Variants in OSMR observed in about 807,000 individuals in gnomAD.
OSMR encodes the protein oncostatin-M-specific receptor subunit beta.
OSMR carries 81 observed loss-of-function variants against 99.9 expected under a neutral mutation model. The observed-to-expected ratio is 0.81, with a 90% CI of 0.68 to 0.97. The LOEUF is 0.97. Among genes scored for constraint, OSMR ranks in the 50% least tolerant of loss-of-function variants. The probability of loss-of-function intolerance (pLI) is 0.00; values close to 1 mark genes in which losing one functional copy is unlikely to be tolerated. For missense variants in OSMR, 1,099 were observed against 1,153.4 expected, an observed-to-expected ratio of 0.95 and a Z score of 0.68; for synonymous variants, 406 against 410.4, an observed-to-expected ratio of 0.99 and a Z score of 0.13.
chr5:38,881,874 A>T (rs1743317655), intron 4 of OSMR, 110 bp downstream of exon 4: 1 of 966,698 alleles, frequency 1.0e-6, no homozygotes, highest in South Asian at 1.4e-5. Flanking sequence ...AGACACTGAC[A>T]TTATTTTCCT....
At chr5:38,886,934 A>G (rs1007184783) in intron 7 of OSMR, among the ~76,000 whole-genome samples, 2 of 152,170 alleles carry the variant, frequency 1.3e-5, no homozygotes, top group Non-Finnish European at 2.9e-5. Context: ...AGTAATACCA[A>G]TTATACTCCC....
rs1191884071 is a variant in OSMR, at chr5:38,933,304, A to C, written c.2800A>C (p.Thr934Pro). The C allele has an allele frequency of 1.9e-6, 3 of 1,614,198 alleles. No homozygotes were observed. The highest frequency in any genetic ancestry group is 2.5e-6 in the Non-Finnish European group (3 of 1,180,022). ...GTTTGGAGACAAGGACAGTCTCCCA[A>C]CAAACCCAGTAGAGGCACCACACTG... ...PMFGDKDSLP[T>P]NPVEAPHCSE... The change falls in exon 18 of 18, where the codon ACA (threonine) becomes CCA (proline). Residue 934 changes from threonine (T) to proline (P), a missense_variant. By Grantham distance (38) the Thr-to-Pro change is conservative (BLOSUM62 -1). Transcript: ENST00000274276.
rs554114617 is a variant in OSMR, at chr5:38,857,544, A to G, written c.-14+11157A>G. Among the ~76,000 whole-genome samples the G allele has an allele frequency of 7.9e-5, 12 of 152,316 alleles. No homozygotes were observed. The South Asian group carries it at 2.1e-3, about 26-fold the overall frequency. On this transcript the variant is annotated intron_variant, in intron 1 of 17. Transcript: ENST00000274276. Reference sequence around the variant, plus strand: ...ATAATTATACATAATTATGGGGTACAGTTGTGATGTTTCAGTGTATGTATA... The same window carrying G: ...ATAATTATACATAATTATGGGGTACGGTTGTGATGTTTCAGTGTATGTATA...
At position 38,852,666 on chromosome 5, in the gene OSMR, CT is replaced by C. The variant is rs542557701; in HGVS notation, c.-14+6282del. ...CTGTTTTTACTTATTTCTAAGAACT[CT>C]TTGTATATGAGGGATAGCTCTTTGT... On this transcript the variant is annotated intron_variant, in intron 1 of 17. Coordinates refer to ENST00000274276, the MANE Select transcript of OSMR (RefSeq NM_003999.3). Among the ~76,000 whole-genome samples the C allele has an allele frequency of 4.6e-3, 619 of 135,644 alleles. 1 individual carries two copies. Among genetic ancestry groups the C allele is most frequent in the Non-Finnish European group, 7.4e-3 (473 of 63,660 alleles). The allele number at this position is 135,644 out of a possible 152,430, so 89.0% of individuals were successfully genotyped here.
In OSMR at chr5:38,924,573, A is replaced by G; in HGVS notation, c.2022A>G (p.Arg674=). The G allele has an allele frequency of 6.2e-7, 1 of 1,613,450 alleles. No individual in the cohort carries two copies. Among genetic ancestry groups the G allele is most frequent in the Non-Finnish European group, 8.5e-7 (1 of 1,179,330 alleles). Residue 674 remains arginine, a synonymous_variant, in exon 14 of 18, where the codon CGA becomes CGG. Coordinates refer to ENST00000274276, the MANE Select transcript of OSMR (RefSeq NM_003999.3). ...LKSKARQCHP[R]FEKAVLSDGS... Reference sequence around the variant, plus strand: ...CCAAGGCGAGGCAGTGCCACCCACGATTTGAAAAGGCAGTTCTTTCAGGTG... The same window carrying G: ...CCAAGGCGAGGCAGTGCCACCCACGGTTTGAAAAGGCAGTTCTTTCAGGTG...
At chr5:38,881,503 C>T (rs1743279520) in intron 3 of OSMR, 90 bp from the exon 4 acceptor site, 3 of 1,611,142 alleles carry the variant, frequency 1.9e-6, no homozygotes, top group Admixed American at 1.7e-5. Flanking sequence ...GCAATGGGGT[C>T]TTAGGTTTGT....
chr5:38,854,274 C>T (rs1740681098), intron 1 of OSMR, among the ~76,000 whole-genome samples: 1 of 152,156 alleles, frequency 6.6e-6, no homozygotes, highest in Non-Finnish European at 1.5e-5. Flanking sequence ...GTGAATGACT[C>T]TTATCACGCT....
At position 38,904,554 on chromosome 5, in the gene OSMR, G is replaced by C. The variant is rs1323578479; in HGVS notation, c.1285+51G>C. The stretch of plus-strand genomic sequence containing the variant: ...CCAAAGAAGTAGGTCTTAGGAGTTA[G>C]ACTGGTTTCCTTAAGAGATTTTGGT... On this transcript the variant is annotated intron_variant, in intron 9 of 17. Transcript: ENST00000274276. The C allele has an allele frequency of 3.7e-6, 6 of 1,611,176 alleles. No individual in the cohort carries two copies. In the Admixed American group the frequency reaches 8.3e-5, roughly 22 times the overall value.
chr5:38,925,406 A>G (rs746406983), intron 15 of OSMR, 35 bp downstream of exon 15: 2 of 1,570,110 alleles, frequency 1.3e-6, no homozygotes, highest in Non-Finnish European at 1.8e-6. Context: ...TTCCCTTAGG[A>G]GTTTCTGGGA....
rs1429647403 is a variant in OSMR, at chr5:38,872,972, C to G, written c.74-3229C>G. On this transcript the variant is annotated intron_variant, in intron 2 of 17. Transcript: ENST00000274276. ...TAATTAGTGACATTGATTCATGATA[C>G]TCATTTGGTGAGTAAATTAGCAATA... 2.6e-5 allele frequency among the ~76,000 whole-genome samples: 4 copies of G among 152,300 alleles called. No individual in the cohort carries two copies. In the East Asian group the frequency reaches 7.7e-4, roughly 29 times the overall value.
Position 38,925,271 on chromosome 5 carries a change from A to G in OSMR, c.2112A>G (p.Leu704=). 6.2e-7 allele frequency: 1 copy of G among 1,614,056 alleles called. No individual in the cohort carries two copies. Among genetic ancestry groups the G allele is most frequent in the Non-Finnish European group, 8.5e-7 (1 of 1,179,936 alleles). ...PEEKALIVDN[L]KPESFYEFFI... ...AAAAGGCATTGATTGTGGACAACCT[A>G]AAGCCAGAATCCTTCTATGAGTTTT... Residue 704 remains leucine, a synonymous_variant, in exon 15 of 18, where the codon CTA becomes CTG. Transcript: ENST00000274276.
intron 2 of OSMR, among the ~76,000 whole-genome samples, chr5:38,874,900 T>G (rs1742688118): frequency 6.6e-6 from 1 of 152,248 alleles, no homozygotes; most frequent in African/African-American, 2.4e-5. Flanking sequence ...CCTAGCACTG[T>G]GCATGGTAAA....
At chr5:38,866,287 C>A (rs1048645507) in intron 1 of OSMR, among the ~76,000 whole-genome samples, 6 of 152,132 alleles carry the variant, frequency 3.9e-5, no homozygotes, top group Admixed American at 3.9e-4. Flanking sequence ...CTGGACAATG[C>A]ACTCAGGCAG....
chr5:38,892,136 G>A (rs981414630), intron 7 of OSMR, among the ~76,000 whole-genome samples: 2 of 152,178 alleles, frequency 1.3e-5, no homozygotes, highest in African/African-American at 4.8e-5. Flanking sequence ...GGAGGAAGCA[G>A]GAGCATGTCA....
Position 38,847,903 on chromosome 5 carries a change from G to T in OSMR, c.-14+1516G>T, listed in dbSNP as rs74474272. ...TGTTTCTTCCGCAGGGACCCGAGCC[G>T]CATTGGGGAGAACACATAAACACTG... On this transcript the variant is annotated intron_variant, in intron 1 of 17. Transcript: ENST00000274276. 6.7e-3 allele frequency among the ~76,000 whole-genome samples: 1,017 copies of T among 152,266 alleles called. 22 individuals carry two copies. Among genetic ancestry groups the T allele is most frequent in the African/African-American group, 0.023 (969 of 41,546 alleles).
At chr5:38,943,343 G>C in intron 1 of OSMR, 1 of 164,846 alleles carries the variant, frequency 6.1e-6, no homozygotes, top group South Asian at 1.6e-4. Flanking sequence ...CCCTGACTGG[G>C]CTATTTCTTT....
At chr5:38,870,330 C>CTTTTT (rs374861159) in intron 2 of OSMR, among the ~76,000 whole-genome samples, 2 of 115,130 alleles carry the variant, frequency 1.7e-5, no homozygotes, top group African/African-American at 3.4e-5. Flanking sequence ...GAATGATTTT[C>CTTTTT]TTTTTTTTTT....
chr5:38,892,649 G>T (rs1744235621), intron 7 of OSMR, among the ~76,000 whole-genome samples: 1 of 152,160 alleles, frequency 6.6e-6, no homozygotes, highest in Non-Finnish European at 1.5e-5. Context: ...AAGCCATAAA[G>T]CTATCTGTAT....
At chr5:38,899,664 G>A (rs573595292) in intron 7 of OSMR, among the ~76,000 whole-genome samples, 29 of 152,158 alleles carry the variant, frequency 1.9e-4, no homozygotes, top group Admixed American at 4.6e-4. Flanking sequence ...AAGGCAACAG[G>A]TTCTCTTCTG....
Sources: allele counts gnomAD v4.1 joint callset (sites outside exome capture counted in the v4.1 genomes callset), GRCh38; gene constraint gnomAD v4.1.1; transcripts MANE v1.5; gene names NCBI Gene and HGNC (gene_info 2026-07-23, HGNC 2026-07-21).